STARD13: variants seen among roughly 807,000 people sequenced by gnomAD.
STARD13 encodes the protein stAR-related lipid transfer protein 13.
Under a neutral mutation model 106.4 loss-of-function variants are expected in STARD13, and 62 were observed. That is an observed-to-expected ratio of 0.58 (90% CI 0.48 to 0.72). The LOEUF (loss-of-function observed/expected upper bound fraction) is 0.72. Among genes scored for constraint, STARD13 ranks in the 30% least tolerant of loss-of-function variants. The pLI, the probability that STARD13 is intolerant of heterozygous loss-of-function variation, is 0.00. For synonymous variants in STARD13, 565 were observed against 553.0 expected, an observed-to-expected ratio of 1.02 and a Z score of -0.31; for missense variants, 1,387 against 1,424.0, an observed-to-expected ratio of 0.97 and a Z score of 0.42.
At chr13:33,122,200 C>T (rs1054684480) in intron 7 of STARD13, among the ~76,000 whole-genome samples, 5 of 152,090 alleles carry the variant, frequency 3.3e-5, no homozygotes, top group Non-Finnish European at 7.3e-5. Flanking sequence ...CAGGCTGGCC[C>T]TGAACTCCTG....
At chr13:33,594,100 G>T in the STARD13 span, among the ~76,000 whole-genome samples, 1 of 151,896 alleles carries the variant, frequency 6.6e-6, no homozygotes, top group East Asian at 1.9e-4. Flanking sequence ...TAGAGATAGG[G>T]TTTCACCATA....
intron 1 of STARD13, among the ~76,000 whole-genome samples, chr13:33,241,155 T>C (rs1452286749): frequency 6.6e-6 from 1 of 152,216 alleles, no homozygotes; most frequent in Non-Finnish European, 1.5e-5. Context: ...AGGTATGAAA[T>C]TGTTTTGTAA....
intron 12 of STARD13, among the ~76,000 whole-genome samples, chr13:33,108,396 G>A (rs1874062037): frequency 6.6e-6 from 1 of 152,126 alleles, no homozygotes; most frequent in Non-Finnish European, 1.5e-5. Flanking sequence ...GGGCCACATG[G>A]TCCACTCCAC....
the STARD13 span, among the ~76,000 whole-genome samples, chr13:33,432,586 A>T: frequency 2.6e-5 from 4 of 152,360 alleles, no homozygotes; most frequent in South Asian, 8.3e-4. Flanking sequence ...GACTGCAGTC[A>T]GTACGATAGG....
chr13:33,282,031 C>G (rs1354562133), intron 1 of STARD13, among the ~76,000 whole-genome samples: 4 of 151,676 alleles, frequency 2.6e-5, no homozygotes, highest in Non-Finnish European at 4.4e-5. Context: ...GAAAAAAATC[C>G]AATTCTCCCT....
intron 1 of STARD13, among the ~76,000 whole-genome samples, chr13:33,222,441 G>C (rs1374789512): frequency 6.6e-6 from 1 of 152,078 alleles, no homozygotes; most frequent in Non-Finnish European, 1.5e-5. Context: ...AAGTGATGGA[G>C]ATGGCAAACT....
chr13:33,406,514 G>T, the STARD13 span, among the ~76,000 whole-genome samples: 2 of 152,106 alleles, frequency 1.3e-5, no homozygotes, highest in South Asian at 2.1e-4. Context: ...TTATTTTTTT[G>T]TGTGTTTCTG....
chr13:33,292,621 C>A (rs1892338200), intron 1 of STARD13, among the ~76,000 whole-genome samples: 1 of 151,556 alleles, frequency 6.6e-6, no homozygotes, highest in Admixed American at 6.6e-5. Flanking sequence ...AAATCACCAC[C>A]CTCAAAAATA....
the STARD13 span, among the ~76,000 whole-genome samples, chr13:33,435,613 T>C: frequency 6.6e-6 from 1 of 152,184 alleles, no homozygotes. Flanking sequence ...CTTACTAAAT[T>C]ACTATAAATT....
chr13:33,469,463 A>G, the STARD13 span, among the ~76,000 whole-genome samples: 1 of 152,188 alleles, frequency 6.6e-6, no homozygotes, highest in Non-Finnish European at 1.5e-5. Flanking sequence ...AGTTTACATG[A>G]TATCCCCCTC....
the STARD13 span, among the ~76,000 whole-genome samples, chr13:33,522,105 C>G: frequency 6.6e-6 from 1 of 152,050 alleles, no homozygotes; most frequent in African/African-American, 2.4e-5. Flanking sequence ...TACTATTTAT[C>G]AGGCATTCTT....
At chr13:33,149,876 A>G (rs1881042123) in intron 3 of STARD13, among the ~76,000 whole-genome samples, 1 of 152,260 alleles carries the variant, frequency 6.6e-6, no homozygotes, top group Non-Finnish European at 1.5e-5. Flanking sequence ...ATCTGCATTT[A>G]GGACAAATAT....
chr13:33,663,438 C>A, the STARD13 span, among the ~76,000 whole-genome samples: 5 of 151,754 alleles, frequency 3.3e-5, no homozygotes, highest in South Asian at 1.0e-3. Flanking sequence ...TCATTTTGTA[C>A]GTGAAAAAAG....
chr13:33,443,440 A>G, the STARD13 span, among the ~76,000 whole-genome samples: 2 of 53,062 alleles, frequency 3.8e-5, no homozygotes, highest in Non-Finnish European at 3.2e-5. Context: ...ATAACAATTA[A>G]TAAAAAGGGT....
chr13:33,413,602 T>C, the STARD13 span, among the ~76,000 whole-genome samples: 3 of 152,056 alleles, frequency 2.0e-5, no homozygotes, highest in Admixed American at 2.0e-4. Flanking sequence ...AGGACTGGTA[T>C]CTAGAGTACA....
intron 1 of STARD13, among the ~76,000 whole-genome samples, chr13:33,329,334 CA>C: frequency 6.6e-6 from 1 of 152,158 alleles, no homozygotes; most frequent in Admixed American, 6.5e-5. Context: ...GGGATGTCTT[CA>C]TATACATTGT....
chr13:33,274,492 A>G (rs1406002219), intron 1 of STARD13, among the ~76,000 whole-genome samples: 1 of 152,194 alleles, frequency 6.6e-6, no homozygotes, highest in Non-Finnish European at 1.5e-5. Context: ...AGTCTCTGGC[A>G]CTTTATTACT....
At chr13:33,525,777 C>T in the STARD13 span, among the ~76,000 whole-genome samples, 4 of 152,092 alleles carry the variant, frequency 2.6e-5, no homozygotes, top group African/African-American at 9.7e-5. Context: ...ACTAATTTTA[C>T]TCATAGATTA....
At chr13:33,274,604 G>A (rs897023962) in intron 1 of STARD13, among the ~76,000 whole-genome samples, 1 of 152,064 alleles carries the variant, frequency 6.6e-6, no homozygotes, top group Non-Finnish European at 1.5e-5. Flanking sequence ...TGGGCAAATT[G>A]GCTTTCCAGA....
Sources: gnomAD v4.1 joint callset for allele counts (sites outside exome capture counted in the v4.1 genomes callset) on GRCh38, gnomAD v4.1.1 for gene constraint, MANE v1.5 for transcripts, NCBI Gene and HGNC (gene_info 2026-07-23, HGNC 2026-07-21) for gene names.